CALCR: variants seen among roughly 807,000 people sequenced by gnomAD.
CALCR encodes the protein calcitonin receptor.
A neutral mutation model predicts 59.5 loss-of-function variants in CALCR; 47 were observed. The ratio of observed to expected loss-of-function variants is 0.79; its 90% CI spans 0.63 to 1.01. The LOEUF (loss-of-function observed/expected upper bound fraction) is 1.01. CALCR is among the 50% of genes least tolerant of loss of function. CALCR has a pLI of 0.00. For synonymous variants in CALCR, 213 were observed against 211.3 expected (o/e 1.01, Z -0.07); for missense variants, 566 against 597.1 (o/e 0.95, Z 0.54).
At chr7:93,518,779 C>A (rs928729975) in intron 2 of CALCR, among the ~76,000 whole-genome samples, 4 of 151,760 alleles carry the variant, frequency 2.6e-5, no homozygotes, top group African/African-American at 7.2e-5. Flanking sequence ...TATGGAAAGA[C>A]CTTCAAGGAG....
chr7:93,550,672 G>A (rs1016017308), intron 2 of CALCR, among the ~76,000 whole-genome samples: 5 of 146,522 alleles, frequency 3.4e-5, no homozygotes, highest in African/African-American at 1.3e-4. Flanking sequence ...ATTGCTAAAG[G>A]GTATCAGACA....
chr7:93,478,636 A>AATATATATAT (rs10543619), intron 4 of CALCR, among the ~76,000 whole-genome samples: 9 of 147,568 alleles, frequency 6.1e-5, no homozygotes, highest in East Asian at 4.0e-4. Flanking sequence ...CCCTGTCTTA[A>AATATATATAT]ATATATATAT....
intron 2 of CALCR, among the ~76,000 whole-genome samples, chr7:93,489,073 C>T (rs1801015919): frequency 6.6e-6 from 1 of 151,832 alleles, no homozygotes. Flanking sequence ...TCTCTCAGAC[C>T]ACAATGCAAT....
intron 2 of CALCR, among the ~76,000 whole-genome samples, chr7:93,572,404 C>G (rs1446410597): frequency 6.6e-6 from 1 of 152,040 alleles, no homozygotes; most frequent in African/African-American, 2.4e-5. Flanking sequence ...AGACCCTTTC[C>G]ACAGATATTC....
chr7:93,455,285 C>T (rs895654017), intron 8 of CALCR, among the ~76,000 whole-genome samples: 2 of 151,736 alleles, frequency 1.3e-5, no homozygotes, highest in South Asian at 2.1e-4. Context: ...CTGATAGATA[C>T]GCTTTTCTTT....
Position 93,479,335 on chromosome 7 carries a change from T to C in CALCR, c.205+19A>G, listed in dbSNP as rs1562990037. The C allele has an allele frequency of 2.5e-6, 4 of 1,597,240 alleles. No individual in the cohort carries two copies. The highest frequency in any genetic ancestry group is 3.4e-6 in the Non-Finnish European group (4 of 1,172,198). Reference sequence around the variant, plus strand: ...TAATGGTGTTTCAAACATATGTTCATATATATCCTTCTCTTTACCTTCTCC... The same window carrying C: ...TAATGGTGTTTCAAACATATGTTCACATATATCCTTCTCTTTACCTTCTCC... On this transcript the variant is annotated intron_variant, in intron 4 of 13. Transcript: ENST00000426151.
intron 3 of CALCR, among the ~76,000 whole-genome samples, chr7:93,481,820 A>G (rs1178038052): frequency 1.3e-5 from 2 of 151,924 alleles, no homozygotes; most frequent in Non-Finnish European, 2.9e-5. Context: ...AAAAATGATT[A>G]TAACTGTGCA....
rs1014152074 is a variant in CALCR at position 93,425,648 on chromosome 7, A to G, written c.*708T>C. ...CCAAAATACATTCAACATTAAGACC[A>G]ATTCTTTACAACAGCTAGGTCCTGC... is the stretch of plus-strand genomic sequence containing the variant. On this transcript the variant is annotated 3_prime_UTR_variant, in exon 14 of 14. Transcript: ENST00000426151. 4 of 152,224 alleles carry G rather than the reference A, an allele frequency of 2.6e-5. No homozygotes were observed. Among genetic ancestry groups the G allele is most frequent in the Non-Finnish European group, 5.9e-5 (4 of 68,038 alleles). 9.4% of individuals were successfully genotyped at this position (152,224 alleles called of 1,614,324 possible). A position where few individuals can be genotyped will look rare whatever the true frequency, so the allele number is the denominator to read the frequency against.
chr7:93,447,930 T>A (rs1402342422), intron 8 of CALCR, among the ~76,000 whole-genome samples: 1 of 151,974 alleles, frequency 6.6e-6, no homozygotes, highest in Non-Finnish European at 1.5e-5. Context: ...AATGCAGATT[T>A]GGAATGTGGT....
chr7:93,505,307 T>C (rs1324844348), intron 2 of CALCR, among the ~76,000 whole-genome samples: 1 of 152,172 alleles, frequency 6.6e-6, no homozygotes, highest in African/African-American at 2.4e-5. Flanking sequence ...GTTTGATACA[T>C]TGGTTGTGAA....
intron 2 of CALCR, among the ~76,000 whole-genome samples, chr7:93,562,427 AACAACAACAAC>A (rs1554409311): frequency 1.3e-5 from 2 of 152,166 alleles, no homozygotes; most frequent in Admixed American, 6.6e-5. Flanking sequence ...CAACAACAAC[AACAACAACAAC>A]AAAAAACAAT....
At chr7:93,534,413 C>T (rs1409891522) in intron 2 of CALCR, among the ~76,000 whole-genome samples, 3 of 151,778 alleles carry the variant, frequency 2.0e-5, no homozygotes, top group Admixed American at 6.6e-5. Flanking sequence ...AATGCTGCCT[C>T]TTAAGATATA....
intron 7 of CALCR, among the ~76,000 whole-genome samples, chr7:93,465,575 A>C (rs932753690): frequency 6.6e-6 from 1 of 151,970 alleles, no homozygotes; most frequent in Non-Finnish European, 1.5e-5. Context: ...ACTTTTGAAC[A>C]GTTAAGATTG....
At chr7:93,463,779 C>T (rs566918320) in intron 7 of CALCR, among the ~76,000 whole-genome samples, 42 of 151,880 alleles carry the variant, frequency 2.8e-4, no homozygotes, top group African/African-American at 9.6e-4. Flanking sequence ...TGAGAGAAGC[C>T]GACAACATTT....
chr7:93,476,772 G>A (rs1800675408), intron 5 of CALCR, among the ~76,000 whole-genome samples: 1 of 151,902 alleles, frequency 6.6e-6, no homozygotes, highest in Admixed American at 6.6e-5. Flanking sequence ...TCATTGGGAA[G>A]AGTCAATAAG....
chr7:93,573,415 A>G (rs914167066), intron 2 of CALCR, among the ~76,000 whole-genome samples: 2 of 152,246 alleles, frequency 1.3e-5, no homozygotes, highest in African/African-American at 4.8e-5. Flanking sequence ...ATAGCCTTAC[A>G]TAGATAACTT....
chr7:93,564,395 G>T, intron 2 of CALCR, among the ~76,000 whole-genome samples: 1 of 151,920 alleles, frequency 6.6e-6, no homozygotes, highest in Non-Finnish European at 1.5e-5. Context: ...CTTCTTCAAG[G>T]TTGGGAATAA....
In CALCR at chr7:93,468,717, G is replaced by C; in HGVS notation, c.519C>G (p.Phe173Leu). The C allele has an allele frequency of 5.0e-6, 8 of 1,605,368 alleles. No homozygotes were observed. The highest frequency in any genetic ancestry group is 6.8e-6 in the Non-Finnish European group (8 of 1,173,474). Residue 173 changes from phenylalanine to leucine, a missense_variant and splice_region_variant, in exon 7 of 14, where the codon TTC (phenylalanine) becomes TTG (leucine). Coordinates refer to ENST00000426151, the MANE Select transcript of CALCR (RefSeq NM_001742.4). ...LVISLGIFVF[F>L]RSLGCQRVTL... ...GCAGATGCTGTGAGTGTACTTACCT[G>C]AAAAACACGAAAATCCCCAGGGAAA...
chr7:93,565,533 T>C (rs1400681979), intron 2 of CALCR, among the ~76,000 whole-genome samples: 1 of 152,168 alleles, frequency 6.6e-6, no homozygotes, highest in African/African-American at 2.4e-5. Flanking sequence ...TGGGATGCAA[T>C]ACAATTGTTT....
Sources: allele counts gnomAD v4.1 joint callset (sites outside exome capture counted in the v4.1 genomes callset), GRCh38; gene constraint gnomAD v4.1.1; transcripts MANE v1.5; gene names NCBI Gene and HGNC (gene_info 2026-07-23, HGNC 2026-07-21).